PLPPR5: variants seen among roughly 807,000 people sequenced by gnomAD.
PLPPR5 encodes phospholipid phosphatase-related protein type 5.
In PLPPR5, 16 loss-of-function variants were observed where a neutral mutation model predicts 33.9. The observed-to-expected ratio is 0.47, with a 90% CI of 0.32 to 0.72. The LOEUF (loss-of-function observed/expected upper bound fraction) is 0.72, where lower values mean the gene tolerates loss of function less well. PLPPR5 is among the 30% of genes least tolerant of loss of function. The probability of loss-of-function intolerance (pLI) is 0.03; values close to 1 mark genes in which losing one functional copy is unlikely to be tolerated. For synonymous variants in PLPPR5, 163 were observed against 150.3 expected, an observed-to-expected ratio of 1.08 and a Z score of -0.62; for missense variants, 301 against 406.7, an observed-to-expected ratio of 0.74 and a Z score of 2.23.
intron 3 of PLPPR5, among the ~76,000 whole-genome samples, chr1:98,945,987 A>T (rs988468827): frequency 1.3e-5 from 2 of 152,122 alleles, no homozygotes; most frequent in Admixed American, 6.5e-5. Context: ...GGCAGCTCAG[A>T]GTCCCAGCTT....
chr1:98,965,414 C>T (rs56285113), intron 1 of PLPPR5, among the ~76,000 whole-genome samples: 10,616 of 152,250 alleles, frequency 0.07, 494 homozygotes, highest in Non-Finnish European at 0.095. Context: ...TACACACTGT[C>T]TGCTCCTTCC....
At chr1:98,980,183 T>C (rs570926114) in intron 1 of PLPPR5, among the ~76,000 whole-genome samples, 1 of 152,152 alleles carries the variant, frequency 6.6e-6, no homozygotes, top group African/African-American at 2.4e-5. Context: ...TATGCCCAGG[T>C]TTTGTGGCTT....
rs1003800730 is a variant in PLPPR5, at chr1:99,000,029, CGG to C, written c.237+4404_237+4405del. ...AGATCTAAGGAACAATAGCTGCTAG[CGG>C]CCACTGTATCCAAATTTGGGGAGCA... On this transcript the variant is annotated intron_variant, in intron 1 of 5. Transcript: ENST00000263177. 1.1e-4 allele frequency among the ~76,000 whole-genome samples: 17 copies of C among 152,204 alleles called. 1 individual carries two copies. In the Middle Eastern group the frequency reaches 0.044, roughly 396 times the overall value.
chr1:98,947,817 A>T (rs927521902), intron 3 of PLPPR5, among the ~76,000 whole-genome samples: 2 of 152,238 alleles, frequency 1.3e-5, no homozygotes, highest in Admixed American at 6.5e-5. Context: ...ACCAGTTGTC[A>T]TAATAATAGT....
At chr1:98,928,726 G>A (rs144766027) in intron 3 of PLPPR5, among the ~76,000 whole-genome samples, 1 of 150,990 alleles carries the variant, frequency 6.6e-6, no homozygotes, top group Non-Finnish European at 1.5e-5. Flanking sequence ...ATATTGCTTC[G>A]AGTTGGGCAC....
intron 1 of PLPPR5, among the ~76,000 whole-genome samples, chr1:99,002,155 A>C (rs1378158888): frequency 6.6e-6 from 1 of 152,076 alleles, no homozygotes; most frequent in East Asian, 1.9e-4. Flanking sequence ...ACATGGTGAC[A>C]GAGTGCACTA....
intron 1 of PLPPR5, among the ~76,000 whole-genome samples, chr1:98,985,087 C>G (rs1652205060): frequency 6.6e-6 from 1 of 152,068 alleles, no homozygotes; most frequent in Non-Finnish European, 1.5e-5. Flanking sequence ...AACTTGGCTT[C>G]CTACCTACAC....
intron 3 of PLPPR5, among the ~76,000 whole-genome samples, chr1:98,925,750 G>A (rs1037463032): frequency 1.3e-5 from 2 of 152,164 alleles, no homozygotes; most frequent in African/African-American, 4.8e-5. Flanking sequence ...GCTGTGCTAG[G>A]TTTCTTCAAA....
chr1:98,975,085 T>C (rs911770063), intron 1 of PLPPR5, among the ~76,000 whole-genome samples: 1 of 152,042 alleles, frequency 6.6e-6, no homozygotes, highest in Admixed American at 6.6e-5. Context: ...GCAGCCTCTT[T>C]TGTAACTATT....
At chr1:98,966,715 G>A (rs759171646) in intron 1 of PLPPR5, among the ~76,000 whole-genome samples, 32 of 152,102 alleles carry the variant, frequency 2.1e-4, no homozygotes, top group Non-Finnish European at 3.4e-4. Context: ...GTTAAGATTC[G>A]CAGTCTTTAG....
chr1:98,960,510 C>G (rs1177865898), intron 1 of PLPPR5, among the ~76,000 whole-genome samples: 1 of 152,092 alleles, frequency 6.6e-6, no homozygotes, highest in Non-Finnish European at 1.5e-5. Flanking sequence ...AGCCTGCTCT[C>G]AGATAAATTC....
intron 3 of PLPPR5, among the ~76,000 whole-genome samples, chr1:98,925,539 A>G (rs1649719861): frequency 6.6e-6 from 1 of 152,202 alleles, no homozygotes; most frequent in Admixed American, 6.5e-5. Flanking sequence ...GGTTTTGCTT[A>G]CTTGTTTGCT....
At chr1:98,987,650 A>T (rs1440141364) in intron 1 of PLPPR5, among the ~76,000 whole-genome samples, 1 of 151,928 alleles carries the variant, frequency 6.6e-6, no homozygotes, top group African/African-American at 2.4e-5. Flanking sequence ...TCTGACAAAT[A>T]CTGTTTTCTG....
chr1:98,991,052 A>T (rs1341255992), intron 1 of PLPPR5: 1 of 152,186 alleles, frequency 6.6e-6, no homozygotes, highest in East Asian at 1.9e-4. Context: ...TATAATGCAC[A>T]ACCATGTAGT....
chr1:98,976,967 A>C (rs1651886061), intron 1 of PLPPR5, among the ~76,000 whole-genome samples: 1 of 152,046 alleles, frequency 6.6e-6, no homozygotes, highest in South Asian at 2.1e-4. Context: ...AATAGGTCCC[A>C]GGTTTAAAAA....
intron 3 of PLPPR5, among the ~76,000 whole-genome samples, chr1:98,941,077 G>A (rs983950060): frequency 1.3e-5 from 2 of 151,730 alleles, no homozygotes; most frequent in Admixed American, 6.6e-5. Flanking sequence ...AAGGAGTTGT[G>A]GGGTTCACTT....
intron 5 of PLPPR5, among the ~76,000 whole-genome samples, chr1:98,907,457 G>T (rs1385427686): frequency 6.6e-6 from 1 of 152,110 alleles, no homozygotes; most frequent in Non-Finnish European, 1.5e-5. Context: ...GCCTCCCAAA[G>T]TGCTGGGATT....
chr1:98,937,148 C>T (rs2101185846), intron 3 of PLPPR5, among the ~76,000 whole-genome samples: 1 of 152,292 alleles, frequency 6.6e-6, no homozygotes, highest in South Asian at 2.1e-4. Context: ...GCAGTCTGCC[C>T]AGGTGCAGGC....
At chr1:98,921,577 A>C (rs1649555112) in intron 4 of PLPPR5, among the ~76,000 whole-genome samples, 1 of 152,300 alleles carries the variant, frequency 6.6e-6, no homozygotes, top group South Asian at 2.1e-4. Flanking sequence ...GTTTTTACCC[A>C]GTCTTAAAAA....
Sources: allele counts gnomAD v4.1 joint callset (sites outside exome capture counted in the v4.1 genomes callset), GRCh38; gene constraint gnomAD v4.1.1; transcripts MANE v1.5; gene names NCBI Gene and HGNC (gene_info 2026-07-23, HGNC 2026-07-21).